Variants in NCAPD2 observed in about 807,000 individuals in gnomAD.
NCAPD2 encodes condensin complex subunit 1.
NCAPD2 carries 100 observed loss-of-function variants against 164.5 expected under a neutral mutation model. The ratio of observed to expected loss-of-function variants is 0.61; its 90% CI spans 0.52 to 0.72. The LOEUF (loss-of-function observed/expected upper bound fraction) is 0.72. Among genes scored for constraint, NCAPD2 ranks in the 30% least tolerant of loss-of-function variants. The probability of loss-of-function intolerance (pLI) is 0.00; values close to 1 mark genes in which losing one functional copy is unlikely to be tolerated. For missense variants in NCAPD2, 1,560 were observed against 1,749.2 expected (o/e 0.89, Z 1.93); for synonymous variants, 585 against 642.6 (o/e 0.91, Z 1.36).
chr12:6,506,911 A>G (rs759118487), intron 2 of NCAPD2, among the ~76,000 whole-genome samples: 1 of 152,362 alleles, frequency 6.6e-6, no homozygotes, highest in East Asian at 1.9e-4. Flanking sequence ...GGACCTACAC[A>G]ATTCAAATCG....
chr12:6,505,300 A>G (rs545884282), intron 2 of NCAPD2, among the ~76,000 whole-genome samples: 2 of 152,222 alleles, frequency 1.3e-5, no homozygotes, highest in East Asian at 3.9e-4. Flanking sequence ...TCCTCACCTC[A>G]AGTGATTCAC....
chr12:6,497,775 C>T (rs906104736), intron 2 of NCAPD2, among the ~76,000 whole-genome samples: 7 of 151,916 alleles, frequency 4.6e-5, no homozygotes, highest in East Asian at 1.9e-4. Flanking sequence ...AATGCCACCA[C>T]GCCCGGCTAA....
intron 13 of NCAPD2, among the ~76,000 whole-genome samples, chr12:6,518,533 T>TTTTTTTTTTTTTTC (rs1565544225): frequency 7.2e-6 from 1 of 138,600 alleles, no homozygotes. Context: ...TTTTTTTTTT[T>TTTTTTTTTTTTTTC]TGAGATGGAG....
rs749401073 is a variant in NCAPD2, at chr12:6,514,449, T to C, written c.716-15T>C. ...TTGTATTGCCCATAATTTCTCATGTTTAATGCTTCCACAGGTGCTACAGTG... is the reference window on the plus strand; with the variant it reads ...TTGTATTGCCCATAATTTCTCATGTCTAATGCTTCCACAGGTGCTACAGTG... On this transcript the variant is annotated splice_polypyrimidine_tract_variant and intron_variant, in intron 7 of 31. Coordinates refer to ENST00000315579, the MANE Select transcript of NCAPD2 (RefSeq NM_014865.4). The C allele has an allele frequency of 9.9e-6, 16 of 1,614,184 alleles. No individual in the cohort carries two copies. The East Asian group carries it at 3.6e-4, about 36-fold the overall frequency.
chr12:6,504,200 T>TATAG (rs1555137401), intron 2 of NCAPD2, among the ~76,000 whole-genome samples: 1 of 22,438 alleles, frequency 4.5e-5, no homozygotes, highest in Non-Finnish European at 7.4e-5. Flanking sequence ...TATATATATA[T>TATAG]ATATATATAT....
intron 15 of NCAPD2, among the ~76,000 whole-genome samples, chr12:6,522,362 A>C (rs1438246847): frequency 6.6e-6 from 1 of 151,570 alleles, no homozygotes. Flanking sequence ...CAAAGCAGGA[A>C]GACAGGTTGA....
Position 6,510,779 on chromosome 12 carries a change from C to A in NCAPD2, c.413C>A (p.Thr138Lys). 6.2e-7 allele frequency: 1 copy of A among 1,614,138 alleles called. No homozygotes were observed. The change falls in exon 5 of 32, where the codon ACA becomes AAA. Residue 138 changes from threonine to lysine, a missense_variant. Coordinates refer to ENST00000315579, the MANE Select transcript of NCAPD2 (RefSeq NM_014865.4). ...TCCTTTGAGACCATGGCCAGCCAGA[C>A]AAACCTTGTGGACCTGGACCTTGGT... ...LESFETMASQ[T>K]NLVDLDLGGK...
At chr12:6,503,625 GCC>G (rs1946060051) in intron 2 of NCAPD2, among the ~76,000 whole-genome samples, 3 of 152,090 alleles carry the variant, frequency 2.0e-5, no homozygotes, top group African/African-American at 7.2e-5. Flanking sequence ...CAAAAAATTA[GCC>G]GGGTGTGGTG....
chr12:6,495,773 G>A (rs902287008), intron 2 of NCAPD2, among the ~76,000 whole-genome samples: 6 of 152,054 alleles, frequency 3.9e-5, no homozygotes, highest in African/African-American at 1.2e-4. Flanking sequence ...TGTTGGGAGC[G>A]GTCTTGTAGC....
intron 2 of NCAPD2, among the ~76,000 whole-genome samples, chr12:6,496,477 T>G (rs1005074565): frequency 2.0e-5 from 3 of 152,102 alleles, no homozygotes; most frequent in African/African-American, 7.2e-5. Flanking sequence ...CAGGCTGGAG[T>G]CCAGTGGCAT....
In NCAPD2 at chr12:6,522,882, A is replaced by C; in HGVS notation, c.2009A>C (p.Gln670Pro). The C allele has an allele frequency of 6.2e-7, 1 of 1,614,186 alleles. No homozygotes were observed. Among genetic ancestry groups the C allele is most frequent in the Non-Finnish European group, 8.5e-7 (1 of 1,180,032 alleles). ...FVMVFQFGVP[Q>P]ALFGVRRMLP... Reference sequence around the variant, plus strand: ...ATGGTCTTCCAATTTGGGGTACCCCAGGCCCTGTTTGGGGTGCGCCGTATG... The same window carrying C: ...ATGGTCTTCCAATTTGGGGTACCCCCGGCCCTGTTTGGGGTGCGCCGTATG... The change falls in exon 16 of 32, where the codon CAG (glutamine) becomes CCG (proline). Residue 670 changes from glutamine (Q) to proline (P), a missense_variant. Coordinates refer to ENST00000315579, the MANE Select transcript of NCAPD2 (RefSeq NM_014865.4).
rs780272122 is a variant in NCAPD2 at position 6,529,031 on chromosome 12, C to T, written c.3564C>T (p.Thr1188=). ...GGGTGGAGGAAGAGCCTTTCCACAC[C>T]ATCATGAAGTATTGCTCCCCGGGCC... The part of the protein sequence containing the change: ...ELGVEEEPFH[T]IMKQLLSYIT... Residue 1188 remains threonine, a synonymous_variant, in exon 27 of 32, where the codon ACC becomes ACT. Transcript: ENST00000315579. 3.1e-5 allele frequency: 50 copies of T among 1,612,242 alleles called. No individual in the cohort carries two copies. Among genetic ancestry groups the T allele is most frequent in the Non-Finnish European group, 3.3e-5 (39 of 1,179,780 alleles).
At chr12:6,529,209 AC>A in intron 27 of NCAPD2, 170 bp downstream of exon 27, 1 of 643,802 alleles carries the variant, frequency 1.6e-6, no homozygotes, top group Non-Finnish European at 2.7e-6. Context: ...ATGATACTTA[AC>A]CCTTAGTTCT....
At chr12:6,513,345 A>G (rs558206226) in intron 6 of NCAPD2, among the ~76,000 whole-genome samples, 15 of 152,312 alleles carry the variant, frequency 9.8e-5, no homozygotes, top group African/African-American at 3.1e-4. Flanking sequence ...GTTTGAGATC[A>G]GCCTGGACAA....
At chr12:6,509,675 T>G in intron 2 of NCAPD2, 42 bp from the exon 3 acceptor site, 3 of 1,566,960 alleles carry the variant, frequency 1.9e-6, no homozygotes, top group Non-Finnish European at 2.6e-6. Context: ...CTGAAAAGGT[T>G]TCTCTTCCCT....
chr12:6,502,528 C>A (rs942059825), intron 2 of NCAPD2, among the ~76,000 whole-genome samples: 1 of 152,178 alleles, frequency 6.6e-6, no homozygotes, highest in Non-Finnish European at 1.5e-5. Context: ...TGTGTGGTCA[C>A]ATGAATGGAG....
intron 2 of NCAPD2, among the ~76,000 whole-genome samples, chr12:6,507,292 G>T (rs969364360): frequency 6.6e-6 from 1 of 152,238 alleles, no homozygotes; most frequent in African/African-American, 2.4e-5. Context: ...AAGACAGTCA[G>T]GGAACAAAAA....
intron 2 of NCAPD2, among the ~76,000 whole-genome samples, chr12:6,507,212 A>G (rs1024262521): frequency 1.3e-5 from 2 of 152,202 alleles, no homozygotes; most frequent in Non-Finnish European, 2.9e-5. Flanking sequence ...CCTGGGCCCA[A>G]GCGATTCTAC....
rs575891537 is a variant in NCAPD2 at position 6,525,644 on chromosome 12, G to A, written c.2276G>A (p.Arg759Gln). The change falls in exon 18 of 32, where the codon CGG becomes CAG. Residue 759 changes from arginine to glutamine, a missense_variant. Arg to Gln is a conservative substitution (Grantham distance 43, BLOSUM62 1). Transcript: ENST00000315579. ...GCAGTGACCCAGCTGCTGTGGGAGCGGGCCACCGAGAAGGTCGCCTGCTGT... is the reference window on the plus strand; with the variant it reads ...GCAGTGACCCAGCTGCTGTGGGAGCAGGCCACCGAGAAGGTCGCCTGCTGT... The part of the protein sequence containing the change: ...KPAVTQLLWE[R>Q]ATEKVACCPL... The A allele has an allele frequency of 1.7e-5, 27 of 1,609,238 alleles. No individual in the cohort carries two copies. The highest frequency in any genetic ancestry group is 2.0e-5 in the Non-Finnish European group (23 of 1,178,110).
Sources: allele counts gnomAD v4.1 joint callset (sites outside exome capture counted in the v4.1 genomes callset), GRCh38; gene constraint gnomAD v4.1.1; transcripts MANE v1.5; gene names NCBI Gene and HGNC (gene_info 2026-07-23, HGNC 2026-07-21).